Variants in NDC1 observed in about 807,000 individuals in gnomAD.
The protein encoded by NDC1 is nucleoporin NDC1.
A neutral mutation model predicts 89.8 loss-of-function variants in NDC1; 24 were observed. The observed-to-expected ratio is 0.27, with a 90% CI of 0.19 to 0.38. The LOEUF (loss-of-function observed/expected upper bound fraction) is 0.38, where lower values mean the gene tolerates loss of function less well. NDC1 is among the 10% of genes least tolerant of loss of function. The pLI, the probability that NDC1 is intolerant of heterozygous loss-of-function variation, is 1.00. For synonymous variants in NDC1, 296 were observed against 284.8 expected, an observed-to-expected ratio of 1.04 and a Z score of -0.39; for missense variants, 728 against 797.6, an observed-to-expected ratio of 0.91 and a Z score of 1.05.
rs565753808 is a variant in NDC1, at chr1:53,803,403, T to TAATGCCCC, written c.1066+524_1066+525insGGGGCATT. On this transcript the variant is annotated intron_variant, in intron 10 of 17. Coordinates refer to ENST00000371429, the MANE Select transcript of NDC1 (RefSeq NM_018087.5). ...ATTCTTAAGCTGTATTTTTCTGCCC[T>TAATGCCCC]AAAATTGTCAGTGTACTAAATAATT... Among the ~76,000 whole-genome samples the TAATGCCCC allele has an allele frequency of 4.1e-3, 625 of 152,132 alleles. 6 individuals carry two copies. The highest frequency in any genetic ancestry group is 0.015 in the African/African-American group (604 of 41,492).
At chr1:53,784,379 C>T (rs902397262) in intron 16 of NDC1, among the ~76,000 whole-genome samples, 4 of 152,176 alleles carry the variant, frequency 2.6e-5, no homozygotes, top group East Asian at 1.9e-4. Flanking sequence ...TCAAGCCAGG[C>T]GCAGTGGCTC....
At chr1:53,786,125 C>T (rs992009767) in intron 16 of NDC1, among the ~76,000 whole-genome samples, 1 of 151,904 alleles carries the variant, frequency 6.6e-6, no homozygotes, top group African/African-American at 2.4e-5. Context: ...AGGGTTTTAC[C>T]ATGTTGCCCA....
intron 3 of NDC1, among the ~76,000 whole-genome samples, 191 bp downstream of exon 3, chr1:53,832,299 A>G (rs1649093443): frequency 6.6e-6 from 1 of 152,202 alleles, no homozygotes; most frequent in African/African-American, 2.4e-5. Flanking sequence ...TTGTCCTAAA[A>G]AGTCTAAAAA....
chr1:53,827,993 T>C lies in NDC1; in HGVS notation c.455+6A>G. ...GATTCCTAAGGAAATATATATTTAA[T>C]ATTACCTGTTAGTACCAGTGCAGGG... On this transcript the variant is annotated splice_donor_region_variant and intron_variant, in intron 4 of 17. Coordinates refer to ENST00000371429, the MANE Select transcript of NDC1 (RefSeq NM_018087.5). The C allele has an allele frequency of 6.3e-7, 1 of 1,590,258 alleles. No individual in the cohort carries two copies. The highest frequency in any genetic ancestry group is 8.6e-7 in the Non-Finnish European group (1 of 1,166,050).
chr1:53,832,363 A>G (rs777810482), intron 3 of NDC1, 127 bp downstream of exon 3: 2 of 554,122 alleles, frequency 3.6e-6, no homozygotes, highest in African/African-American at 1.9e-5. Context: ...CAACATTTGA[A>G]GCATATGATT....
Position 53,825,067 on chromosome 1 carries a change from G to A in NDC1, c.594+731C>T, listed in dbSNP as rs571429018. 7.2e-5 allele frequency among the ~76,000 whole-genome samples: 11 copies of A among 152,180 alleles called. No individual in the cohort carries two copies. The East Asian group carries it at 1.4e-3, about 19-fold the overall frequency. ...TGCACACCTGTAGTCCCAGATACTC[G>A]GGCAGACTGAGGTGGGAGGATGGCT... On this transcript the variant is annotated intron_variant, in intron 5 of 17. Transcript: ENST00000371429.
rs765466131 is a variant in NDC1 at position 53,787,166 on chromosome 1, G to A, written c.1792C>T (p.Leu598=). ...LPAILNTLLT[L]QEAVDKYFKL... ...ACCCACAGATTTCTTACCTCTTGCA[G>A]TGTCAACAAAGTATTAAGGATAGCT... The change falls in exon 16 of 18, where the codon CTG becomes TTG. Residue 598 remains leucine (L), a synonymous_variant. Coordinates refer to ENST00000371429, the MANE Select transcript of NDC1 (RefSeq NM_018087.5). 3.1e-6 allele frequency: 5 copies of A among 1,593,866 alleles called. No individual in the cohort carries two copies. Among genetic ancestry groups the A allele is most frequent in the Admixed American group, 1.7e-5 (1 of 58,880 alleles).
intron 16 of NDC1, among the ~76,000 whole-genome samples, chr1:53,779,119 CAAAAAAA>C (rs11412563): frequency 2.3e-4 from 13 of 55,522 alleles, no homozygotes; most frequent in African/African-American, 3.5e-4. Flanking sequence ...GACTCTGTCG[CAAAAAAA>C]AAAAAAAAAA....
intron 16 of NDC1, among the ~76,000 whole-genome samples, chr1:53,772,957 C>T (rs146394577): frequency 2.0e-5 from 3 of 152,016 alleles, no homozygotes; most frequent in Non-Finnish European, 4.4e-5. Flanking sequence ...TACCAGGCCC[C>T]CCCCAAAATC....
chr1:53,787,498 G>A (rs1647342983), intron 15 of NDC1, among the ~76,000 whole-genome samples: 1 of 151,698 alleles, frequency 6.6e-6, no homozygotes, highest in African/African-American at 2.4e-5. Flanking sequence ...AATTAGCCAT[G>A]TGTGGTGCCA....
intron 16 of NDC1, among the ~76,000 whole-genome samples, chr1:53,785,491 C>T (rs1647280099): frequency 6.6e-6 from 1 of 152,202 alleles, no homozygotes; most frequent in African/African-American, 2.4e-5. Context: ...AAAAGAATCA[C>T]TGGCTTTGAT....
At position 53,805,479 on chromosome 1, in the gene NDC1, C is replaced by G. The variant is rs144574752; in HGVS notation, c.984+946G>C. 6.2e-3 allele frequency among the ~76,000 whole-genome samples: 942 copies of G among 152,308 alleles called. 13 individuals carry two copies. Among genetic ancestry groups the G allele is most frequent in the African/African-American group, 0.021 (891 of 41,574 alleles). On this transcript the variant is annotated intron_variant, in intron 9 of 17. Coordinates refer to ENST00000371429, the MANE Select transcript of NDC1 (RefSeq NM_018087.5). ...CCTCGGCCTCCCAAAGTGCTGAAGA[C>G]CACACACAGCCTCTTTTAGCTCTTT...
At chr1:53,792,152 C>G (rs933809968) in intron 14 of NDC1, among the ~76,000 whole-genome samples, 1 of 152,066 alleles carries the variant, frequency 6.6e-6, no homozygotes, top group Non-Finnish European at 1.5e-5. Context: ...CCGTGTTAGC[C>G]AGGATGGTCT....
intron 5 of NDC1, among the ~76,000 whole-genome samples, chr1:53,824,460 T>G (rs1648777853): frequency 6.6e-6 from 1 of 152,298 alleles, no homozygotes; most frequent in Non-Finnish European, 1.5e-5. Context: ...TAATATACCA[T>G]TTGTTTACAT....
At chr1:53,776,510 T>C (rs967002494) in intron 16 of NDC1, among the ~76,000 whole-genome samples, 1 of 152,222 alleles carries the variant, frequency 6.6e-6, no homozygotes, top group African/African-American at 2.4e-5. Flanking sequence ...AATACTGGGT[T>C]AAATAAACTG....
chr1:53,809,660 CAG>C lies in NDC1; in HGVS notation c.755+33_755+34del, dbSNP rs60041248. On this transcript the variant is annotated intron_variant, in intron 7 of 17. Coordinates refer to ENST00000371429, the MANE Select transcript of NDC1 (RefSeq NM_018087.5). ...TAGCAAACATCTAAAAGAATGGAAA[CAG>C]AGTTAAAATTAGACTTTTTAGGTAT... The C allele has an allele frequency of 0.015, 21,556 of 1,438,388 alleles. 1,531 individuals carry two copies. The African/African-American group carries it at 0.2, about 13-fold the overall frequency. 89.1% of individuals were successfully genotyped at this position (1,438,388 alleles called of 1,614,324 possible). A position where few individuals can be genotyped will look rare whatever the true frequency, so the allele number is the denominator to read the frequency against.
chr1:53,804,066 T>C (rs1648020590), intron 9 of NDC1, 57 bp from the exon 10 acceptor site: 3 of 1,239,208 alleles, frequency 2.4e-6, no homozygotes, highest in Non-Finnish European at 3.5e-6. Flanking sequence ...ACATAAAATC[T>C]CACTAATTGG....
Position 53,803,973 on chromosome 1 carries a change from A to T in NDC1, c.1021T>A (p.Tyr341Asn). ...ACTTCTTGTCTTCGTGAAGGAGAATATTGAGAAAGCAACATCAGGTCCTGC... is the reference window on the plus strand; with the variant it reads ...ACTTCTTGTCTTCGTGAAGGAGAATTTTGAGAAAGCAACATCAGGTCCTGC... ...ALQDLMLLSQ[Y>N]SPSRRQEVFS... Residue 341 changes from tyrosine (Y) to asparagine (N), a missense_variant, in exon 10 of 18, where the codon TAT becomes AAT. Coordinates refer to ENST00000371429, the MANE Select transcript of NDC1 (RefSeq NM_018087.5). The T allele has an allele frequency of 6.2e-7, 1 of 1,614,120 alleles. No homozygotes were observed. Among genetic ancestry groups the T allele is most frequent in the Non-Finnish European group, 8.5e-7 (1 of 1,179,946 alleles).
At chr1:53,828,858 C>T (rs2100692175) in intron 3 of NDC1, among the ~76,000 whole-genome samples, 1 of 152,086 alleles carries the variant, frequency 6.6e-6, no homozygotes, top group Non-Finnish European at 1.5e-5. Context: ...GTGATCCACC[C>T]ACCTTGGCCT....
Sources: gnomAD v4.1 joint callset for allele counts (sites outside exome capture counted in the v4.1 genomes callset) on GRCh38, gnomAD v4.1.1 for gene constraint, MANE v1.5 for transcripts, NCBI Gene and HGNC (gene_info 2026-07-23, HGNC 2026-07-21) for gene names.